Variants in BCAS3 observed in about 807,000 individuals in gnomAD.
BCAS3 encodes the protein BCAS3 microtubule associated cell migration factor.
Under a neutral mutation model 116.1 loss-of-function variants are expected in BCAS3, and 53 were observed. The observed-to-expected ratio is 0.46, with a 90% CI of 0.37 to 0.57. The LOEUF (loss-of-function observed/expected upper bound fraction) is 0.57, where lower values mean the gene tolerates loss of function less well. Ranked by LOEUF, BCAS3 falls within the 20% of genes least tolerant of loss-of-function variation. The pLI is 0.00. For missense variants in BCAS3, 917 were observed against 1,165.4 expected, an observed-to-expected ratio of 0.79 and a Z score of 3.10; for synonymous variants, 391 against 408.2, an observed-to-expected ratio of 0.96 and a Z score of 0.51.
intron 3 of BCAS3, among the ~76,000 whole-genome samples, chr17:60,685,450 C>CAAAA (rs1204965872): frequency 1.7e-4 from 9 of 54,372 alleles, no homozygotes; most frequent in East Asian, 3.9e-4. Flanking sequence ...AACTCCGTCT[C>CAAAA]AAAAAAAAAA....
intron 15 of BCAS3, among the ~76,000 whole-genome samples, chr17:60,999,813 C>CA (rs1435843220): frequency 6.6e-6 from 1 of 152,076 alleles, no homozygotes; most frequent in Non-Finnish European, 1.5e-5. Flanking sequence ...TTGCTGGTGT[C>CA]ATGTGTGATT....
chr17:60,957,547 T>C (rs1173503965), intron 14 of BCAS3, among the ~76,000 whole-genome samples: 1 of 152,212 alleles, frequency 6.6e-6, no homozygotes, highest in East Asian at 1.9e-4. Flanking sequence ...TTACATACTA[T>C]AAAATTCATT....
chr17:61,368,408 T>C lies in BCAS3; in HGVS notation c.2507T>C (p.Met836Thr). 2 of 1,613,270 alleles carry C rather than the reference T, an allele frequency of 1.2e-6. No individual in the cohort carries two copies. Among genetic ancestry groups the C allele is most frequent in the South Asian group, 1.1e-5 (1 of 91,062 alleles). Residue 836 changes from methionine (M) to threonine (T), a missense_variant, in exon 23 of 24, where the codon ATG becomes ACG. Physicochemically the swap from Met to Thr is moderately conservative, Grantham distance 81 (BLOSUM62 -1). Coordinates refer to ENST00000407086, the MANE Select transcript of BCAS3 (RefSeq NM_017679.5). This position sits in a 1 kb window ranked among gnomAD's most constrained non-coding sequence, Gnocchi z 6.0. Reference sequence around the variant, plus strand: ...TTCGGGCTGCGGCACATGTCCTCCATGGAGCACACGGAGGAGGGCCTCCGG... The same window carrying C: ...TTCGGGCTGCGGCACATGTCCTCCACGGAGCACACGGAGGAGGGCCTCCGG... ...EGFGLRHMSS[M>T]EHTEEGLRER...
chr17:61,057,277 T>A lies in BCAS3; in HGVS notation c.2029+16385T>A, dbSNP rs2069483184. 2.0e-5 allele frequency among the ~76,000 whole-genome samples: 3 copies of A among 152,232 alleles called. No individual in the cohort carries two copies. The South Asian group carries it at 6.2e-4, about 31-fold the overall frequency. The stretch of plus-strand genomic sequence containing the variant: ...AGAAAATATCAGGGAAACCCTGTAG[T>A]TCAGCCTTTCTGCTCAGTTTTCAAT... On this transcript the variant is annotated intron_variant, in intron 19 of 23. Coordinates refer to ENST00000407086, the MANE Select transcript of BCAS3 (RefSeq NM_017679.5).
chr17:60,876,343 C>T lies in BCAS3; in HGVS notation c.661+1605C>T, dbSNP rs568827457. Among the ~76,000 whole-genome samples the T allele has an allele frequency of 1.7e-4, 26 of 152,114 alleles. No individual in the cohort carries two copies. In the East Asian group the frequency reaches 1.7e-3, roughly 10 times the overall value. On this transcript the variant is annotated intron_variant, in intron 9 of 23. Coordinates refer to ENST00000407086, the MANE Select transcript of BCAS3 (RefSeq NM_017679.5). ...TGGAGGTACATTTTTCCTTTGTCTTCGTGACCAGAATGGCCTTTTCACTAA... is the reference window on the plus strand; with the variant it reads ...TGGAGGTACATTTTTCCTTTGTCTTTGTGACCAGAATGGCCTTTTCACTAA...
At chr17:60,897,443 TGTCCAAACTTTTGTTAGACTTGG>T (rs1396897737) in intron 10 of BCAS3, among the ~76,000 whole-genome samples, 1 of 152,226 alleles carries the variant, frequency 6.6e-6, no homozygotes, top group Non-Finnish European at 1.5e-5. Flanking sequence ...TGTATCTGAA[TGTCCAAACTTTTGTTAGACTTGG>T]GAAGTTTTCA....
intron 10 of BCAS3, among the ~76,000 whole-genome samples, chr17:60,897,908 AT>A (rs61465299): frequency 0.32 from 45,971 of 145,426 alleles, 11,977 homozygotes; most frequent in African/African-American, 0.72. Flanking sequence ...TTTTATTTTT[AT>A]TTTTTTTTTT....
Position 61,367,494 on chromosome 17 carries a change from G to A in BCAS3, c.2426-833G>A, listed in dbSNP as rs2058805322. On this transcript the variant is annotated intron_variant, in intron 22 of 23. Coordinates refer to ENST00000407086, the MANE Select transcript of BCAS3 (RefSeq NM_017679.5). The surrounding 1 kb of genome is among the most constrained non-coding windows in gnomAD (Gnocchi z 6.2). ...AATTGGGGAGCAGCTTTGGCTTAAG[G>A]ACAGACCCTTGCCGAAGATGCTATC... 1 of 152,222 alleles carries A rather than the reference G, an allele frequency of 6.6e-6. No homozygotes were observed. The highest frequency in any genetic ancestry group is 1.5e-5 in the Non-Finnish European group (1 of 68,046). 9.4% of individuals were successfully genotyped at this position (152,222 alleles called of 1,614,324 possible). A position where few individuals can be genotyped will look rare whatever the true frequency, so the allele number is the denominator to read the frequency against.
intron 8 of BCAS3, among the ~76,000 whole-genome samples, chr17:60,872,585 A>G (rs1599329175): frequency 6.6e-6 from 1 of 151,372 alleles, no homozygotes; most frequent in African/African-American, 2.4e-5. Flanking sequence ...GTATGTATAT[A>G]CACACATGGA....
Position 61,361,241 on chromosome 17 carries a change from G to A in BCAS3, c.2426-7086G>A, listed in dbSNP as rs1324699851. 6.6e-6 allele frequency among the ~76,000 whole-genome samples: 1 copy of A among 151,610 alleles called. No homozygotes were observed. Among genetic ancestry groups the A allele is most frequent in the African/African-American group, 2.4e-5 (1 of 41,280 alleles). ...CAGACGGAGTAGCAACTTGCCCAGA[G>A]TAACCAGAAAAGTTAATGGGAGAAT... On this transcript the variant is annotated intron_variant, in intron 22 of 23. Transcript: ENST00000407086. The surrounding 1 kb of genome is among the most constrained non-coding windows in gnomAD (Gnocchi z 6.5).
chr17:61,191,780 A>AG (rs1555772481), intron 22 of BCAS3, among the ~76,000 whole-genome samples: 30 of 145,636 alleles, frequency 2.1e-4, no homozygotes, highest in Admixed American at 2.1e-3. Flanking sequence ...GTCTCAAAAA[A>AG]AAAAGAAAAG....
chr17:60,911,393 G>C (rs1322791041), intron 12 of BCAS3, among the ~76,000 whole-genome samples: 1 of 152,060 alleles, frequency 6.6e-6, no homozygotes, highest in Admixed American at 6.6e-5. Flanking sequence ...CCACCTCCTG[G>C]GTTCAAGCAA....
chr17:61,046,556 C>A (rs1186051980), intron 19 of BCAS3, among the ~76,000 whole-genome samples: 1 of 151,640 alleles, frequency 6.6e-6, no homozygotes, highest in East Asian at 1.9e-4. Flanking sequence ...ATACCTAATA[C>A]AATGTAAGTG....
At chr17:60,954,996 C>T (rs1258341533) in intron 14 of BCAS3, among the ~76,000 whole-genome samples, 1 of 152,066 alleles carries the variant, frequency 6.6e-6, no homozygotes, top group East Asian at 1.9e-4. Context: ...TAGGTGGAAT[C>T]AATTCTTCTC....
At chr17:61,335,737 G>T (rs1477070630) in intron 22 of BCAS3, among the ~76,000 whole-genome samples, 1 of 152,220 alleles carries the variant, frequency 6.6e-6, no homozygotes, top group Non-Finnish European at 1.5e-5. Flanking sequence ...CAGAAAAAAA[G>T]AATTGCCTTT....
rs2072136420 is a variant in BCAS3 at position 61,077,531 on chromosome 17, A to G, written c.2131-802A>G. On this transcript the variant is annotated intron_variant, in intron 20 of 23. Coordinates refer to ENST00000407086, the MANE Select transcript of BCAS3 (RefSeq NM_017679.5). This position sits in a 1 kb window ranked among gnomAD's most constrained non-coding sequence, Gnocchi z 4.3. ...GACTCCGTCTCAAAAAAAAAATGAA[A>G]TAAAATAAATAAAATAAAATATTGG... Among the ~76,000 whole-genome samples, 2 of 152,144 alleles carry G rather than the reference A, an allele frequency of 1.3e-5. No individual in the cohort carries two copies. Among genetic ancestry groups the G allele is most frequent in the South Asian group, 4.1e-4 (2 of 4,826 alleles).
At chr17:60,878,314 ATG>A (rs2055810604) in intron 9 of BCAS3, among the ~76,000 whole-genome samples, 1 of 152,100 alleles carries the variant, frequency 6.6e-6, no homozygotes, top group Non-Finnish European at 1.5e-5. Flanking sequence ...CCGGCCAGTA[ATG>A]TCTTTGAGGA....
At chr17:61,206,776 G>A (rs112946654) in intron 22 of BCAS3, among the ~76,000 whole-genome samples, 2 of 129,904 alleles carry the variant, frequency 1.5e-5, no homozygotes, top group Non-Finnish European at 3.1e-5. Flanking sequence ...ACTTCAGCCT[G>A]GGCAACAAGA....
chr17:61,224,704 G>A lies in BCAS3; in HGVS notation c.2425+140140G>A, dbSNP rs967094344. On this transcript the variant is annotated intron_variant, in intron 22 of 23. Transcript: ENST00000407086. The surrounding 1 kb of genome is among the most constrained non-coding windows in gnomAD (Gnocchi z 5.7). ...TCTCTCTACTTCAGTTTCTTGGTCC[G>A]TGAAAACTAACAGGTGAAATGAATT... Among the ~76,000 whole-genome samples the A allele has an allele frequency of 6.6e-5, 10 of 152,150 alleles. No homozygotes were observed. Among genetic ancestry groups the A allele is most frequent in the African/African-American group, 2.4e-4 (10 of 41,422 alleles).
Sources: gnomAD v4.1 joint callset for allele counts (sites outside exome capture counted in the v4.1 genomes callset) on GRCh38, gnomAD v4.1.1 for gene constraint, Gnocchi (gnomAD v3.1) non-coding constraint, MANE v1.5 for transcripts, NCBI Gene and HGNC (gene_info 2026-07-23, HGNC 2026-07-21) for gene names.